Variants in DNAH12 observed in about 807,000 individuals in gnomAD.
DNAH12 encodes the protein axonemal beta dynein heavy chain 12.
In DNAH12, 285 loss-of-function variants were observed where a neutral mutation model predicts 371.5. The ratio of observed to expected loss-of-function variants is 0.77; its 90% confidence interval spans 0.70 to 0.85. The LOEUF (loss-of-function observed/expected upper bound fraction) is 0.85. Ranked by LOEUF, DNAH12 falls within the 40% of genes least tolerant of loss-of-function variation. The pLI, the probability that DNAH12 is intolerant of heterozygous loss-of-function variation, is 0.00. For synonymous variants in DNAH12, 1,200 were observed against 1,213.0 expected, an observed-to-expected ratio of 0.99 and a Z score of 0.22; for missense variants, 3,611 against 3,689.4, an observed-to-expected ratio of 0.98 and a Z score of 0.55.
chr3:57,551,837 G>A, the DNAH12 span, among the ~76,000 whole-genome samples: 1 of 150,144 alleles, frequency 6.7e-6, no homozygotes, highest in South Asian at 2.1e-4. Flanking sequence ...TTGAGAATAA[G>A]TGGGAAAAAT....
At chr3:57,341,429 TTGG>T (rs1480221596) in intron 60 of DNAH12, among the ~76,000 whole-genome samples, 2 of 152,066 alleles carry the variant, frequency 1.3e-5, no homozygotes, top group African/African-American at 4.8e-5. Context: ...CATACAAAAA[TTGG>T]TGGTGTTTTT....
chr3:57,482,683 C>T (rs2066785261), intron 13 of DNAH12, among the ~76,000 whole-genome samples: 1 of 151,940 alleles, frequency 6.6e-6, no homozygotes, highest in African/African-American at 2.4e-5. Context: ...AAATGTCCAA[C>T]AATGATAGAC....
intron 2 of DNAH12, chr3:57,530,657 G>A: frequency 4.2e-6 from 2 of 477,732 alleles, no homozygotes; most frequent in Non-Finnish European, 7.7e-6. Context: ...AGAGTGTGCT[G>A]TCACTGAGCA....
At chr3:57,543,439 C>T (rs1174518100) in intron 1 of DNAH12, among the ~76,000 whole-genome samples, 5 of 144,852 alleles carry the variant, frequency 3.5e-5, no homozygotes, top group African/African-American at 7.7e-5. Flanking sequence ...TCTCCTGCTT[C>T]AGCCTCCCGA....
chr3:57,422,223 CA>C (rs1210074066), intron 35 of DNAH12, among the ~76,000 whole-genome samples: 3 of 147,110 alleles, frequency 2.0e-5, no homozygotes, highest in South Asian at 2.1e-4. Flanking sequence ...CAATATCTAT[CA>C]AAAAAAATTT....
chr3:57,544,042 G>A (rs1480401936), intron 1 of DNAH12, among the ~76,000 whole-genome samples, 155 bp downstream of exon 1: 1 of 152,042 alleles, frequency 6.6e-6, no homozygotes, highest in Non-Finnish European at 1.5e-5. Context: ...GCGAGACTCC[G>A]TCTCAAAAAA....
chr3:57,489,603 C>A lies in DNAH12; in HGVS notation c.1420G>T (p.Glu474Ter), dbSNP rs560323309. ...TTTGTCAGGCCTGTCTTCAAATCTT[C>A]ACAATCCAAACGCACCATAGTGTAA... is the stretch of plus-strand genomic sequence containing the variant. ...IHYTMVRLDCEDLKTGLTNKA... is the reference protein window; with the variant it reads ...IHYTMVRLDC The change falls in exon 12 of 74, where the codon GAA (glutamate) becomes TAA (stop). Residue 474 changes from glutamate (E) to a stop codon, truncating the protein, a stop_gained. Coordinates refer to ENST00000495027, the MANE Select transcript of DNAH12 (RefSeq NM_001366028.2). LOFTEE classifies it high-confidence loss of function. 6.5e-7 allele frequency: 1 copy of A among 1,542,884 alleles called. No homozygotes were observed. Among genetic ancestry groups the A allele is most frequent in the South Asian group, 1.2e-5 (1 of 82,032 alleles).
intron 13 of DNAH12, 104 bp downstream of exon 13, chr3:57,483,272 C>T: frequency 1.4e-6 from 2 of 1,389,548 alleles, no homozygotes; most frequent in Non-Finnish European, 1.9e-6. Context: ...TATAACCGCT[C>T]AATTTACAGC....
Position 57,375,396 on chromosome 3 carries a change from C to T in DNAH12, c.8734G>A (p.Val2912Met), listed in dbSNP as rs2063261811. The T allele has an allele frequency of 6.6e-6, 1 of 152,136 alleles. No homozygotes were observed. Among genetic ancestry groups the T allele is most frequent in the African/African-American group, 2.4e-5 (1 of 41,446 alleles). 9.4% of individuals were successfully genotyped at this position (152,136 alleles called of 1,614,324 possible). Reference sequence around the variant, plus strand: ...CAACGCCTACAGTTGTTAACGATCACTCCGTTATCTATGGAAAATGTATCT... The same window carrying T: ...CAACGCCTACAGTTGTTAACGATCATTCCGTTATCTATGGAAAATGTATCT... The part of the protein sequence containing the change: ...PTDTFSIDNG[V>M]IVNNCRRWPL... Residue 2912 changes from valine (V) to methionine (M), a missense_variant, in exon 55 of 74, where the codon GTG becomes ATG. Physicochemically the swap from Val to Met is conservative, Grantham distance 21. Transcript: ENST00000495027.
intron 60 of DNAH12, among the ~76,000 whole-genome samples, chr3:57,350,232 A>G (rs1553659691): frequency 2.0e-5 from 3 of 152,148 alleles, no homozygotes; most frequent in South Asian, 4.1e-4. Flanking sequence ...AATCACCACT[A>G]AAGAACTTAT....
intron 32 of DNAH12, 130 bp downstream of exon 32, chr3:57,433,237 T>G: frequency 8.7e-7 from 1 of 1,143,148 alleles, no homozygotes; most frequent in Non-Finnish European, 1.1e-6. Context: ...AGAGAATTTA[T>G]AAACCTACTC....
At chr3:57,488,187 G>A (rs570562013) in intron 12 of DNAH12, among the ~76,000 whole-genome samples, 5 of 151,764 alleles carry the variant, frequency 3.3e-5, no homozygotes, top group African/African-American at 1.2e-4. Context: ...TTTTCTTTTT[G>A]TTTTTGTTTG....
chr3:57,453,031 T>G lies in DNAH12; in HGVS notation c.3614-16A>C. Reference sequence around the variant, plus strand: ...TGTGAGACACCTAGAAAAAATAAAGTAAAATAAGACACATGATCCTTAAAT... The same window carrying G: ...TGTGAGACACCTAGAAAAAATAAAGGAAAATAAGACACATGATCCTTAAAT... On this transcript the variant is annotated splice_polypyrimidine_tract_variant and intron_variant, in intron 24 of 73. Coordinates refer to ENST00000495027, the MANE Select transcript of DNAH12 (RefSeq NM_001366028.2). 6.5e-7 allele frequency: 1 copy of G among 1,533,242 alleles called. No individual in the cohort carries two copies. The highest frequency in any genetic ancestry group is 8.7e-7 in the Non-Finnish European group (1 of 1,143,178). 95.0% of individuals were successfully genotyped at this position (1,533,242 alleles called of 1,614,324 possible). A position where few individuals can be genotyped will look rare whatever the true frequency, so the allele number is the denominator to read the frequency against.
At chr3:57,409,255 C>A (rs2064131453) in intron 39 of DNAH12, among the ~76,000 whole-genome samples, 1 of 152,100 alleles carries the variant, frequency 6.6e-6, no homozygotes. Context: ...AGTTACTGCA[C>A]ACACAGACAT....
At chr3:57,422,474 G>A (rs1180825455) in intron 35 of DNAH12, among the ~76,000 whole-genome samples, 3 of 152,178 alleles carry the variant, frequency 2.0e-5, no homozygotes, top group South Asian at 2.1e-4. Flanking sequence ...GATTACAGGT[G>A]TGAGACACCG....
At position 57,323,607 on chromosome 3, in the gene DNAH12, T is replaced by C. The variant is rs749830323; in HGVS notation, c.9991A>G (p.Ile3331Val). The C allele has an allele frequency of 7.8e-6, 12 of 1,543,406 alleles. No homozygotes were observed. The Admixed American group carries it at 8.3e-5, about 11-fold the overall frequency. ...CLRPDKITPA[I>V]TNYVTDKLGK... Reference sequence around the variant, plus strand: ...AGTTTGTCAGTTACATAGTTTGTTATAGCTGGGGTTATCTGTTGAAGAGAA... The same window carrying C: ...AGTTTGTCAGTTACATAGTTTGTTACAGCTGGGGTTATCTGTTGAAGAGAA... Residue 3331 changes from isoleucine to valine, a missense_variant, in exon 63 of 74, where the codon ATA becomes GTA. By Grantham distance (29) the Ile-to-Val change is conservative (BLOSUM62 3). Transcript: ENST00000495027.
chr3:57,300,917 T>G (rs2061331056), intron 70 of DNAH12, among the ~76,000 whole-genome samples: 1 of 151,780 alleles, frequency 6.6e-6, no homozygotes, highest in Non-Finnish European at 1.5e-5. Flanking sequence ...ATGTTTATGC[T>G]GGGGGGAGGG....
chr3:57,333,776 C>A (rs2062162054), intron 62 of DNAH12, among the ~76,000 whole-genome samples: 2 of 152,182 alleles, frequency 1.3e-5, no homozygotes, highest in South Asian at 2.1e-4. Context: ...AAAATGAAAT[C>A]TAACTCATCA....
chr3:57,532,705 C>T (rs1160936436), intron 2 of DNAH12, among the ~76,000 whole-genome samples: 1 of 152,222 alleles, frequency 6.6e-6, no homozygotes, highest in Non-Finnish European at 1.5e-5. Flanking sequence ...TCTCTGTGTG[C>T]TGAGCTGCCT....
Sources: gnomAD v4.1 joint callset for allele counts (sites outside exome capture counted in the v4.1 genomes callset) on GRCh38, gnomAD v4.1.1 for gene constraint, MANE v1.5 for transcripts, NCBI Gene and HGNC (gene_info 2026-07-23, HGNC 2026-07-21) for gene names.